CYP2J2: variants seen among roughly 807,000 people sequenced by gnomAD.
CYP2J2 encodes the protein cytochrome P450 2J2.
CYP2J2 carries 41 observed loss-of-function variants against 48.8 expected under a neutral mutation model. The ratio of observed to expected loss-of-function variants is 0.84; its 90% CI spans 0.66 to 1.09. CYP2J2 has a LOEUF of 1.09. Ranked by LOEUF, CYP2J2 falls within the 50% of genes least tolerant of loss-of-function variation. The pLI is 0.00. For synonymous variants in CYP2J2, 221 were observed against 227.1 expected, an observed-to-expected ratio of 0.97 and a Z score of 0.24; for missense variants, 644 against 617.3, an observed-to-expected ratio of 1.04 and a Z score of -0.46.
chr1:59,914,456 T>C (rs1188592186), intron 2 of CYP2J2, among the ~76,000 whole-genome samples: 1 of 152,236 alleles, frequency 6.6e-6, no homozygotes, highest in Non-Finnish European at 1.5e-5. Context: ...CCTGAGATGC[T>C]GTTAATTTGT....
At chr1:59,935,051 T>TATATATATATATATATATATATAC in the CYP2J2 span, among the ~76,000 whole-genome samples, 3 of 107,786 alleles carry the variant, frequency 2.8e-5, no homozygotes, top group Non-Finnish European at 5.6e-5. Flanking sequence ...TATATATATA[T>TATATATATATATATATATATATAC]ACACAACAGA....
the CYP2J2 span, among the ~76,000 whole-genome samples, chr1:59,959,356 C>T: frequency 1.7e-4 from 25 of 150,024 alleles, no homozygotes; most frequent in African/African-American, 5.2e-4. Flanking sequence ...TGTGTAGATT[C>T]CTTACATAAC....
chr1:59,907,970 A>G (rs376695776), intron 5 of CYP2J2, 43 bp from the exon 6 acceptor site: 38 of 1,598,338 alleles, frequency 2.4e-5, no homozygotes, highest in Non-Finnish European at 3.3e-5. Context: ...GTTTATTCAG[A>G]GGATTCCTGA....
intron 1 of CYP2J2, among the ~76,000 whole-genome samples, chr1:59,922,072 C>A (rs1644521826): frequency 6.6e-6 from 1 of 152,212 alleles, no homozygotes; most frequent in Non-Finnish European, 1.5e-5. Flanking sequence ...GTCGTGACCC[C>A]CCTGGACCCA....
the CYP2J2 span, among the ~76,000 whole-genome samples, chr1:59,949,054 T>C: frequency 6.6e-6 from 1 of 151,186 alleles, no homozygotes; most frequent in Non-Finnish European, 1.5e-5. Flanking sequence ...AAAAAAAAAA[T>C]GAAAGAAAAA....
chr1:59,902,306 G>A (rs1644326992), intron 7 of CYP2J2, among the ~76,000 whole-genome samples: 1 of 152,046 alleles, frequency 6.6e-6, no homozygotes, highest in African/African-American at 2.4e-5. Flanking sequence ...TTTTCTCAGG[G>A]TTGTTTTGCC....
rs1644502478 is a variant in CYP2J2, at chr1:59,920,308, GC to G, written c.211-4209del. On this transcript the variant is annotated intron_variant, in intron 1 of 8. Transcript: ENST00000371204. ...GGGGAAATGCAGAAGGTGTTTGGGAGCAAGAGAGCTACCTTGTCTGACTGAA... is the reference window on the plus strand; with the variant it reads ...GGGGAAATGCAGAAGGTGTTTGGGAGAAGAGAGCTACCTTGTCTGACTGAA... 5.3e-5 allele frequency among the ~76,000 whole-genome samples: 8 copies of G among 151,406 alleles called. 1 individual carries two copies. The South Asian group carries it at 1.7e-3, about 32-fold the overall frequency.
chr1:59,944,833 C>T, the CYP2J2 span, among the ~76,000 whole-genome samples: 3 of 151,706 alleles, frequency 2.0e-5, no homozygotes, highest in South Asian at 2.1e-4. Flanking sequence ...ATTTTAAATG[C>T]CACTTTAAAA....
chr1:59,940,741 T>C, the CYP2J2 span, among the ~76,000 whole-genome samples: 1 of 152,204 alleles, frequency 6.6e-6, no homozygotes, highest in African/African-American at 2.4e-5. Flanking sequence ...ATTAGACAAG[T>C]GTCCATCAAT....
At chr1:59,960,613 CG>C in the CYP2J2 span, among the ~76,000 whole-genome samples, 1 of 152,148 alleles carries the variant, frequency 6.6e-6, no homozygotes, top group African/African-American at 2.4e-5. Context: ...TAGGCGGAGG[CG>C]GGTGGATCAC....
At position 59,901,399 on chromosome 1, in the gene CYP2J2, A is replaced by T. The variant is rs142991100; in HGVS notation, c.1192-296T>A. Among the ~76,000 whole-genome samples, 20 of 152,308 alleles carry T rather than the reference A, an allele frequency of 1.3e-4. No individual in the cohort carries two copies. In the East Asian group the frequency reaches 3.5e-3, roughly 27 times the overall value. On this transcript the variant is annotated intron_variant, in intron 7 of 8. Coordinates refer to ENST00000371204, the MANE Select transcript of CYP2J2 (RefSeq NM_000775.4). Reference sequence around the variant, plus strand: ...CAGGTCAGTTTCAGTAGGGCTTGGAAGGAGGGGGCATGAATGCACTGATGA... The same window carrying T: ...CAGGTCAGTTTCAGTAGGGCTTGGATGGAGGGGGCATGAATGCACTGATGA...
At chr1:59,931,795 T>G in the CYP2J2 span, among the ~76,000 whole-genome samples, 6 of 152,016 alleles carry the variant, frequency 3.9e-5, no homozygotes, top group Non-Finnish European at 7.4e-5. Flanking sequence ...TACCAAAAAT[T>G]TAAAGGAAAT....
chr1:59,962,533 G>GA, the CYP2J2 span, among the ~76,000 whole-genome samples: 1 of 152,102 alleles, frequency 6.6e-6, no homozygotes, highest in South Asian at 2.1e-4. Flanking sequence ...TGGTAAGATT[G>GA]AAAATCAAAC....
chr1:59,903,967 AG>A (rs1644343221), intron 7 of CYP2J2, among the ~76,000 whole-genome samples: 1 of 152,214 alleles, frequency 6.6e-6, no homozygotes, highest in Non-Finnish European at 1.5e-5. Context: ...ATTTTGAAAG[AG>A]ACCACATTGT....
At chr1:59,904,729 A>T (rs758323136) in intron 7 of CYP2J2, 142 bp downstream of exon 7, 1 of 686,956 alleles carries the variant, frequency 1.5e-6, no homozygotes, top group African/African-American at 1.8e-5. Context: ...AAGACTACAC[A>T]TGGAGAAAAT....
chr1:59,899,535 A>C (rs894673043), intron 8 of CYP2J2, among the ~76,000 whole-genome samples: 1 of 152,200 alleles, frequency 6.6e-6, no homozygotes, highest in Non-Finnish European at 1.5e-5. Context: ...ACATCAATAC[A>C]TATTTTAAAT....
At chr1:59,915,826 T>C in intron 2 of CYP2J2, 112 bp downstream of exon 2, 2 of 1,014,252 alleles carry the variant, frequency 2.0e-6, no homozygotes, top group South Asian at 2.0e-5. Context: ...AGGAAGTTTA[T>C]TATGGGGCTG....
the CYP2J2 span, among the ~76,000 whole-genome samples, chr1:59,963,739 GTAGCCCTGGA>G: frequency 6.6e-6 from 1 of 152,250 alleles, no homozygotes; most frequent in Admixed American, 6.5e-5. Context: ...GGCCTCAAGT[GTAGCCCTGGA>G]TATGTCTATG....
intron 2 of CYP2J2, chr1:59,912,534 T>A (rs1420222865): frequency 4.2e-6 from 2 of 475,936 alleles, no homozygotes; most frequent in Non-Finnish European, 7.4e-6. Context: ...CATTATATAA[T>A]TTAGTACTCA....
Sources: gnomAD v4.1 joint callset for allele counts (sites outside exome capture counted in the v4.1 genomes callset) on GRCh38, gnomAD v4.1.1 for gene constraint, MANE v1.5 for transcripts, NCBI Gene and HGNC (gene_info 2026-07-23, HGNC 2026-07-21) for gene names.